Variants in CACNA1A observed in about 807,000 individuals in gnomAD.
CACNA1A encodes calcium voltage-gated channel subunit alpha1 A.
In CACNA1A, 57 loss-of-function variants were observed where a neutral mutation model predicts 262.4. The ratio of observed to expected loss-of-function variants is 0.22; its 90% confidence interval spans 0.18 to 0.27. CACNA1A has a LOEUF of 0.27. CACNA1A is among the 10% of genes least tolerant of loss of function. The probability of loss-of-function intolerance (pLI) is 1.00; values close to 1 mark genes in which losing one functional copy is unlikely to be tolerated. For missense variants in CACNA1A, 2,526 were observed against 3,562.8 expected, an observed-to-expected ratio of 0.71 and a Z score of 7.41; for synonymous variants, 1,431 against 1,419.3, an observed-to-expected ratio of 1.01 and a Z score of -0.18.
chr19:13,393,795 T>TTCCCTCCC (rs752179743), intron 3 of CACNA1A, among the ~76,000 whole-genome samples: 1 of 78,826 alleles, frequency 1.3e-5, no homozygotes, highest in East Asian at 5.5e-4. Context: ...CCTTCCTTCC[T>TTCCCTCCC]TCCCTCCCTC....
chr19:13,487,488 G>A (rs1980160105), intron 1 of CACNA1A, among the ~76,000 whole-genome samples: 1 of 152,080 alleles, frequency 6.6e-6, no homozygotes, highest in Non-Finnish European at 1.5e-5. Flanking sequence ...CCAGGGGCTG[G>A]GGGAGCGGGG....
chr19:13,449,084 A>G (rs900237323), intron 3 of CACNA1A, among the ~76,000 whole-genome samples: 3 of 151,720 alleles, frequency 2.0e-5, no homozygotes, highest in African/African-American at 7.3e-5. Context: ...CTCCCACCTC[A>G]GCCTCCTGAG....
intron 1 of CACNA1A, among the ~76,000 whole-genome samples, chr19:13,489,696 G>A (rs1033856565): frequency 2.0e-5 from 3 of 152,136 alleles, no homozygotes; most frequent in Non-Finnish European, 4.4e-5. Context: ...CTGGCCACCT[G>A]TTCAGGGGCC....
chr19:13,245,988 A>G (rs2056224225), intron 30 of CACNA1A, among the ~76,000 whole-genome samples: 1 of 152,104 alleles, frequency 6.6e-6, no homozygotes, highest in South Asian at 2.1e-4. Context: ...ATTTTCTAGG[A>G]GGTAACCAAG....
At chr19:13,360,265 G>GTA (rs34849471) in intron 5 of CACNA1A, among the ~76,000 whole-genome samples, 1,766 of 124,170 alleles carry the variant, frequency 0.014, 36 homozygotes, top group African/African-American at 0.042. Context: ...GTGTGTGTGT[G>GTA]TATATATATA....
At chr19:13,484,046 T>C (rs1041754594) in intron 1 of CACNA1A, among the ~76,000 whole-genome samples, 13 of 152,154 alleles carry the variant, frequency 8.5e-5, no homozygotes, top group African/African-American at 2.7e-4. Context: ...ATTGGGTGTG[T>C]GAGCTTGAGT....
chr19:13,336,594 G>GGAGAGAGAGA lies in CACNA1A; in HGVS notation c.979-695_979-686dup, dbSNP rs547329827. On this transcript the variant is annotated intron_variant, in intron 6 of 46. Transcript: ENST00000360228. ...GAGAAAGAGAGACAGAGAGAGAGAG[G>GGAGAGAGAGA]GAGAGAGAGAGAGAGAGAGAGAGAG... is the stretch of plus-strand genomic sequence containing the variant. Among the ~76,000 whole-genome samples, 222 of 65,476 alleles carry GGAGAGAGAGA rather than the reference G, an allele frequency of 3.4e-3. 8 individuals carry two copies. Among genetic ancestry groups the GGAGAGAGAGA allele is most frequent in the African/African-American group, 4.4e-3 (86 of 19,530 alleles). The allele number at this position is 65,476 out of a possible 152,430, so 43.0% of individuals were successfully genotyped here. A position where few individuals can be genotyped will look rare whatever the true frequency, so the allele number is the denominator to read the frequency against.
Position 13,261,628 on chromosome 19 carries a change from CAGAG to C in CACNA1A, c.4090-22_4090-19del, listed in dbSNP as rs1185603920. On this transcript the variant is annotated intron_variant, in intron 25 of 46. Transcript: ENST00000360228. ...AACACAGCCTGTGGGGTGGAGTTGA[CAGAG>C]AGCATGAGGGGCTGGGGACCTGCCC... 4.4e-6 allele frequency: 7 copies of C among 1,603,586 alleles called. No homozygotes were observed.
chr19:13,237,375 C>A (rs909078325), intron 31 of CACNA1A, among the ~76,000 whole-genome samples: 1 of 152,170 alleles, frequency 6.6e-6, no homozygotes, highest in African/African-American at 2.4e-5. Context: ...CTTGGTCTAA[C>A]CTTCACCCCC....
At chr19:13,244,946 C>T (rs1027740655) in intron 31 of CACNA1A, 29 of 551,198 alleles carry the variant, frequency 5.3e-5, no homozygotes, top group Non-Finnish European at 7.8e-5. Flanking sequence ...GGAAAGCCCA[C>T]CCCTCAGTGC....
intron 27 of CACNA1A, chr19:13,259,076 G>A (rs942185996): frequency 6.6e-6 from 1 of 151,312 alleles, no homozygotes; most frequent in Non-Finnish European, 1.5e-5. Context: ...TGGGATAACA[G>A]GTATGAGCCA....
At chr19:13,339,040 A>G (rs1284900952) in intron 6 of CACNA1A, among the ~76,000 whole-genome samples, 1 of 151,832 alleles carries the variant, frequency 6.6e-6, no homozygotes, top group African/African-American at 2.4e-5. Flanking sequence ...TAATTTTTGT[A>G]TTTTTAGTAG....
Position 13,506,261 on chromosome 19 carries a change from C to A in CACNA1A, c.-37G>T. On this transcript the variant is annotated 5_prime_UTR_variant, in exon 1 of 47. Transcript: ENST00000360228. ...CAAAGGGCTCCGGGTTACGCTGCGG[C>A]GAACGATGCGGAAGACGCCGCCGCC... is the stretch of plus-strand genomic sequence containing the variant. 7.1e-7 allele frequency: 1 copy of A among 1,409,168 alleles called. No homozygotes were observed. 87.3% of individuals were successfully genotyped at this position (1,409,168 alleles called of 1,614,324 possible). A position where few individuals can be genotyped will look rare whatever the true frequency, so the allele number is the denominator to read the frequency against.
intron 3 of CACNA1A, among the ~76,000 whole-genome samples, chr19:13,374,713 G>C (rs768182801): frequency 7.9e-5 from 12 of 152,228 alleles, no homozygotes; most frequent in Non-Finnish European, 1.8e-4. Flanking sequence ...GAACAGCAAA[G>C]AACAGGCAGT....
chr19:13,374,852 C>T lies in CACNA1A; in HGVS notation c.540-3073G>A, dbSNP rs574450658. On this transcript the variant is annotated intron_variant, in intron 3 of 46. Coordinates refer to ENST00000360228, the MANE Select transcript of CACNA1A (RefSeq NM_001127222.2). ...TAAGCAGGCTTTGTTTTGTTTTGTT[C>T]TAGAGATGGAGTCTCCCTGTGTTGC... Among the ~76,000 whole-genome samples, 11 of 151,444 alleles carry T rather than the reference C, an allele frequency of 7.3e-5. 1 individual carries two copies. The highest frequency in any genetic ancestry group is 2.4e-4 in the African/African-American group (10 of 41,296).
rs13345934 is a variant in CACNA1A, at chr19:13,349,999, A to G, written c.978+9607T>C. Among the ~76,000 whole-genome samples the G allele has an allele frequency of 7.0e-3, 1,068 of 152,332 alleles. 9 individuals are homozygous for G. Among genetic ancestry groups the G allele is most frequent in the African/African-American group, 0.025 (1,026 of 41,584 alleles). ...ATACCTTGGAGCTTCCAGGTCAAGAACAGAGATGGGCTATGTTGATGGAGG... is the reference window on the plus strand; with the variant it reads ...ATACCTTGGAGCTTCCAGGTCAAGAGCAGAGATGGGCTATGTTGATGGAGG... On this transcript the variant is annotated intron_variant, in intron 6 of 46. Coordinates refer to ENST00000360228, the MANE Select transcript of CACNA1A (RefSeq NM_001127222.2).
At chr19:13,247,539 C>T (rs887227297) in intron 30 of CACNA1A, among the ~76,000 whole-genome samples, 3 of 151,814 alleles carry the variant, frequency 2.0e-5, no homozygotes, top group Non-Finnish European at 2.9e-5. Context: ...TAAAAATACA[C>T]GCACACAAAA....
intron 3 of CACNA1A, among the ~76,000 whole-genome samples, chr19:13,410,448 T>C (rs2060089447): frequency 6.6e-6 from 1 of 151,910 alleles, no homozygotes; most frequent in Non-Finnish European, 1.5e-5. Flanking sequence ...TCCAGGCTAG[T>C]CTCAAATTCC....
chr19:13,417,422 T>C (rs1403247732), intron 3 of CACNA1A, among the ~76,000 whole-genome samples: 1 of 152,172 alleles, frequency 6.6e-6, no homozygotes, highest in Admixed American at 6.5e-5. Context: ...GTGGGTGGGC[T>C]GGCTCCCCAG....
Sources: allele counts gnomAD v4.1 joint callset (sites outside exome capture counted in the v4.1 genomes callset), GRCh38; gene constraint gnomAD v4.1.1; transcripts MANE v1.5; gene names NCBI Gene and HGNC (gene_info 2026-07-23, HGNC 2026-07-21).